Variants in RBM39 observed in about 807,000 individuals in gnomAD.
The protein encoded by RBM39 is RNA binding motif protein 39.
A neutral mutation model predicts 79.6 loss-of-function variants in RBM39; 12 were observed. That is an observed-to-expected ratio of 0.15 (90% CI 0.10 to 0.24). The LOEUF is 0.24. RBM39 is among the 10% of genes least tolerant of loss of function. The pLI, the probability that RBM39 is intolerant of heterozygous loss-of-function variation, is 1.00. For missense variants in RBM39, 243 were observed against 653.4 expected (o/e 0.37, Z 6.85); for synonymous variants, 185 against 208.4 (o/e 0.89, Z 0.97).
intron 12 of RBM39, among the ~76,000 whole-genome samples, chr20:35,712,435 C>CAAAAAAAAA (rs765974114): frequency 3.0e-5 from 1 of 32,822 alleles, no homozygotes; most frequent in African/African-American, 1.1e-4. Context: ...TACTGTTATC[C>CAAAAAAAAA]AAAAAAAAAA....
chr20:35,717,915 G>A (rs1209163666), intron 9 of RBM39, among the ~76,000 whole-genome samples: 2 of 151,508 alleles, frequency 1.3e-5, no homozygotes, highest in Non-Finnish European at 2.9e-5. Flanking sequence ...CTGGAGTGCA[G>A]TGGTGTGATC....
At chr20:35,726,224 A>G (rs1374630105) in intron 6 of RBM39, among the ~76,000 whole-genome samples, 1 of 151,226 alleles carries the variant, frequency 6.6e-6, no homozygotes, top group East Asian at 2.0e-4. Context: ...CTCCGCCTCC[A>G]GGGTTCAAGC....
chr20:35,729,216 T>G, intron 6 of RBM39, 96 bp downstream of exon 6: 1 of 1,130,038 alleles, frequency 8.8e-7, no homozygotes, highest in South Asian at 1.8e-5. Flanking sequence ...AAAGCAAGAT[T>G]TAATATGGTC....
intron 13 of RBM39, 120 bp downstream of exon 13, chr20:35,709,104 G>T: frequency 1.3e-6 from 1 of 784,562 alleles, no homozygotes; most frequent in Non-Finnish European, 2.0e-6. Context: ...ATGTGTCACT[G>T]TGTCAAAATT....
At chr20:35,713,192 T>G (rs1250410382) in intron 11 of RBM39, 96 bp from the exon 12 acceptor site, 1 of 1,073,656 alleles carries the variant, frequency 9.3e-7, no homozygotes, top group Non-Finnish European at 1.4e-6. Flanking sequence ...CTAAAATAAA[T>G]TGCAAGGAGG....
chr20:35,713,664 C>CCCAAAAAAAAAAAAAAAA (rs2036734811), intron 11 of RBM39: 1 of 41,292 alleles, frequency 2.4e-5, no homozygotes, highest in Non-Finnish European at 4.2e-5. Context: ...AACCAACCAA[C>CCCAAAAAAAAAAAAAAAA]ACAAAAAAAA....
intron 12 of RBM39, among the ~76,000 whole-genome samples, chr20:35,710,805 A>C (rs1256144310): frequency 6.6e-6 from 1 of 152,214 alleles, no homozygotes; most frequent in Non-Finnish European, 1.5e-5. Flanking sequence ...ATGCAGAAGA[A>C]ATTTATAGCA....
chr20:35,730,633 T>C (rs1349202240), intron 4 of RBM39, among the ~76,000 whole-genome samples: 1 of 152,058 alleles, frequency 6.6e-6, no homozygotes, highest in Non-Finnish European at 1.5e-5. Context: ...AATTTTTTAT[T>C]AAAGTTAAGC....
chr20:35,732,882 T>C (rs2039521058), intron 3 of RBM39: 1 of 152,230 alleles, frequency 6.6e-6, no homozygotes, highest in Non-Finnish European at 1.5e-5. Context: ...TTTCATCAAA[T>C]ATAGTAATTT....
intron 12 of RBM39, among the ~76,000 whole-genome samples, chr20:35,711,556 G>C (rs191867054): frequency 6.6e-6 from 1 of 152,236 alleles, no homozygotes; most frequent in Non-Finnish European, 1.5e-5. Flanking sequence ...AAATTCTAGG[G>C]AGTAACTGCT....
chr20:35,727,944 G>A (rs367774196), intron 6 of RBM39, among the ~76,000 whole-genome samples: 2 of 151,636 alleles, frequency 1.3e-5, no homozygotes, highest in African/African-American at 2.4e-5. Flanking sequence ...CCACCACCAC[G>A]CCTGGCCTAA....
chr20:35,706,128 C>G (rs2425074), intron 14 of RBM39, among the ~76,000 whole-genome samples: 6,980 of 152,212 alleles, frequency 0.046, 195 homozygotes, highest in African/African-American at 0.083. Context: ...CACTTAAGGT[C>G]AGGAGTTCGA....
At position 35,729,435 on chromosome 20, in the gene RBM39, A is replaced by AT. The variant is rs752627247; in HGVS notation, c.362+26_362+27insA. ...ATGTTAGTTCCTTGAAAAACAATTT[A>AT]AACAATTCAGAAGTATGTTTAAAAA... On this transcript the variant is annotated intron_variant, in intron 5 of 16. Transcript: ENST00000253363. 12 of 1,610,410 alleles carry AT rather than the reference A, an allele frequency of 7.5e-6. No individual in the cohort carries two copies. In the South Asian group the frequency reaches 1.3e-4, roughly 18 times the overall value.
intron 6 of RBM39, among the ~76,000 whole-genome samples, chr20:35,728,419 A>G (rs976500251): frequency 2.0e-5 from 3 of 152,228 alleles, no homozygotes; most frequent in Non-Finnish European, 1.5e-5. Flanking sequence ...TAATCATTAC[A>G]TGTCCATTAA....
intron 3 of RBM39, among the ~76,000 whole-genome samples, chr20:35,733,445 T>C (rs1052906231): frequency 5.3e-5 from 8 of 151,800 alleles, no homozygotes; most frequent in Non-Finnish European, 1.2e-4. Flanking sequence ...CCATCTCTAC[T>C]AAAAAATGCA....
At chr20:35,724,230 G>A (rs993466540) in intron 8 of RBM39, among the ~76,000 whole-genome samples, 2 of 151,984 alleles carry the variant, frequency 1.3e-5, no homozygotes, top group Admixed American at 1.3e-4. Flanking sequence ...TACTCAGGAG[G>A]CTGAGGCAGG....
chr20:35,732,384 C>T (rs557709139), intron 3 of RBM39: 75 of 478,734 alleles, frequency 1.6e-4, no homozygotes, highest in East Asian at 1.2e-3. Context: ...AGTGAAACCC[C>T]GTCCCTAATA....
chr20:35,714,207 C>T lies in RBM39; in HGVS notation c.1074G>A (p.Gln358=), dbSNP rs772874385. The stretch of plus-strand genomic sequence containing the variant: ...TACCCTCTGCAAGTCTTGCCATTAA[C>T]TGAAGACGACCAGTTGTTCCCAAAT... ...GIDLGTTGRL[Q]LMARLAEGTG... Residue 358 remains glutamine, a synonymous_variant, in exon 11 of 17, where the codon CAG becomes CAA. Coordinates refer to ENST00000253363, the MANE Select transcript of RBM39 (RefSeq NM_184234.3). The T allele has an allele frequency of 5.6e-6, 9 of 1,613,478 alleles. No individual in the cohort carries two copies. Among genetic ancestry groups the T allele is most frequent in the Middle Eastern group, 1.8e-4 (1 of 5,682 alleles).
intron 6 of RBM39, among the ~76,000 whole-genome samples, chr20:35,727,874 T>G (rs2038928263): frequency 6.6e-6 from 1 of 151,984 alleles, no homozygotes; most frequent in Non-Finnish European, 1.5e-5. Flanking sequence ...GTCTTGAACT[T>G]CTGACCTCAG....
Sources: allele counts gnomAD v4.1 joint callset (sites outside exome capture counted in the v4.1 genomes callset), GRCh38; gene constraint gnomAD v4.1.1; transcripts MANE v1.5; gene names NCBI Gene and HGNC (gene_info 2026-07-23, HGNC 2026-07-21).